Variants in CNTN5 observed in about 807,000 individuals in gnomAD.
The protein encoded by CNTN5 is contactin 5, also known as contactin-5.
Under a neutral mutation model 129.1 loss-of-function variants are expected in CNTN5, and 77 were observed. The observed-to-expected ratio is 0.60, with a 90% CI of 0.50 to 0.72. The LOEUF (loss-of-function observed/expected upper bound fraction) is 0.72, where lower values mean the gene tolerates loss of function less well. Among genes scored for constraint, CNTN5 ranks in the 30% least tolerant of loss-of-function variants. The probability of loss-of-function intolerance (pLI) is 0.00; values close to 1 mark genes in which losing one functional copy is unlikely to be tolerated. For missense variants in CNTN5, 1,478 were observed against 1,328.8 expected (o/e 1.11, Z -1.75); for synonymous variants, 509 against 465.6 (o/e 1.09, Z -1.20).
intron 13 of CNTN5, among the ~76,000 whole-genome samples, chr11:100,130,268 TATTC>T (rs912176677): frequency 1.3e-5 from 2 of 152,234 alleles, no homozygotes; most frequent in African/African-American, 4.8e-5. Context: ...TTCCCTCTCT[TATTC>T]ATTCATTCAT....
intron 15 of CNTN5, among the ~76,000 whole-genome samples, chr11:100,221,178 A>T (rs1385123598): frequency 6.6e-6 from 1 of 152,216 alleles, no homozygotes; most frequent in Non-Finnish European, 1.5e-5. Flanking sequence ...CAGGAAAAGA[A>T]AAAAGAAAGA....
At chr11:99,386,982 G>A (rs1940960299) in intron 2 of CNTN5, among the ~76,000 whole-genome samples, 1 of 152,026 alleles carries the variant, frequency 6.6e-6, no homozygotes, top group Non-Finnish European at 1.5e-5. Flanking sequence ...AGTTTCTGGT[G>A]AAAATTTCAT....
At chr11:99,299,090 C>A (rs11219258) in intron 1 of CNTN5, among the ~76,000 whole-genome samples, 7,708 of 152,072 alleles carry the variant, frequency 0.051, 634 homozygotes, top group African/African-American at 0.17. Context: ...CTATCTTCAA[C>A]TTCACATTTT....
chr11:99,818,072 T>C (rs1451806688), intron 3 of CNTN5, among the ~76,000 whole-genome samples: 4 of 152,188 alleles, frequency 2.6e-5, no homozygotes, highest in Admixed American at 1.3e-4. Flanking sequence ...GCTTAACACC[T>C]AAAGTGTTAT....
chr11:100,232,122 C>G (rs781713436), intron 16 of CNTN5, among the ~76,000 whole-genome samples: 96 of 151,982 alleles, frequency 6.3e-4, no homozygotes, highest in Non-Finnish European at 1.3e-4. Context: ...TCACTGCACT[C>G]CAGCCTGGCC....
At chr11:99,276,303 T>C (rs564905030) in intron 1 of CNTN5, among the ~76,000 whole-genome samples, 1 of 151,654 alleles carries the variant, frequency 6.6e-6, no homozygotes, top group African/African-American at 2.4e-5. Flanking sequence ...TTTATTTTGA[T>C]TCCCCAAGTC....
intron 7 of CNTN5, among the ~76,000 whole-genome samples, chr11:99,923,547 A>G (rs1379762473): frequency 2.0e-5 from 3 of 152,208 alleles, no homozygotes; most frequent in Non-Finnish European, 4.4e-5. Context: ...GAAATATTCA[A>G]AAGCTTACGT....
chr11:99,810,219 A>G (rs1298744679), intron 3 of CNTN5, among the ~76,000 whole-genome samples: 6 of 152,166 alleles, frequency 3.9e-5, no homozygotes, highest in Non-Finnish European at 8.8e-5. Flanking sequence ...ACAACTAAGA[A>G]TTTACTATTT....
At chr11:100,160,448 G>T (rs550009069) in intron 13 of CNTN5, among the ~76,000 whole-genome samples, 22 of 152,024 alleles carry the variant, frequency 1.4e-4, no homozygotes, top group Non-Finnish European at 3.1e-4. Context: ...TAATGGGATT[G>T]CTCGGACAAA....
At chr11:99,394,775 A>ATAAG (rs1941434891) in intron 2 of CNTN5, among the ~76,000 whole-genome samples, 1 of 151,742 alleles carries the variant, frequency 6.6e-6, no homozygotes, top group African/African-American at 2.4e-5. Context: ...AGTCCCAGTT[A>ATAAG]TAAGTGATAA....
intron 13 of CNTN5, among the ~76,000 whole-genome samples, chr11:100,089,027 A>T (rs1944656002): frequency 6.6e-6 from 1 of 152,122 alleles, no homozygotes; most frequent in Admixed American, 6.6e-5. Flanking sequence ...CAAAAAGCCA[A>T]TTGACCCTGA....
intron 3 of CNTN5, among the ~76,000 whole-genome samples, chr11:99,741,497 AAAC>A (rs1943887184): frequency 6.6e-6 from 1 of 152,130 alleles, no homozygotes; most frequent in African/African-American, 2.4e-5. Flanking sequence ...ATTTGAGAAA[AAAC>A]AACTTCAAAT....
intron 1 of CNTN5, among the ~76,000 whole-genome samples, chr11:99,058,806 A>C (rs957922409): frequency 6.6e-6 from 1 of 152,024 alleles, no homozygotes; most frequent in Non-Finnish European, 1.5e-5. Flanking sequence ...AAAAATGGGC[A>C]AGGTCCCACA....
At chr11:99,887,718 C>T (rs180808252) in intron 6 of CNTN5, among the ~76,000 whole-genome samples, 4 of 152,358 alleles carry the variant, frequency 2.6e-5, no homozygotes, top group Admixed American at 6.5e-5. Context: ...AGTCGAAAAG[C>T]TGAAGAACTT....
chr11:99,668,701 C>T (rs1213136748), intron 3 of CNTN5, among the ~76,000 whole-genome samples: 5 of 151,994 alleles, frequency 3.3e-5, no homozygotes, highest in South Asian at 2.1e-4. Flanking sequence ...GGCCGAGGTG[C>T]GCAGATCGCT....
intron 21 of CNTN5, among the ~76,000 whole-genome samples, chr11:100,324,478 C>G (rs1011007618): frequency 6.6e-6 from 1 of 152,070 alleles, no homozygotes; most frequent in Non-Finnish European, 1.5e-5. Flanking sequence ...AAAGGACTTG[C>G]GTTCCTCAAA....
chr11:99,598,170 C>T (rs1202656982), intron 3 of CNTN5, among the ~76,000 whole-genome samples: 33 of 152,038 alleles, frequency 2.2e-4, no homozygotes, highest in Admixed American at 2.2e-3. Context: ...AATTTTTGCT[C>T]CCTAAAACTG....
At chr11:100,300,185 A>C (rs1192160174) in intron 20 of CNTN5, among the ~76,000 whole-genome samples, 2 of 151,506 alleles carry the variant, frequency 1.3e-5, no homozygotes, top group Non-Finnish European at 3.0e-5. Flanking sequence ...ATAGAGCTAC[A>C]GTGGAAACCC....
At chr11:100,291,774 TAAATAAATAAATAAAA>T (rs781610727) in intron 18 of CNTN5, among the ~76,000 whole-genome samples, 13,411 of 137,118 alleles carry the variant, frequency 0.098, 632 homozygotes, top group Non-Finnish European at 0.12. Flanking sequence ...AATAAATAAA[TAAATAAATAAATAAAA>T]AATATAAATA....
Sources: gnomAD v4.1 joint callset for allele counts (sites outside exome capture counted in the v4.1 genomes callset) on GRCh38, gnomAD v4.1.1 for gene constraint, MANE v1.5 for transcripts, NCBI Gene and HGNC (gene_info 2026-07-23, HGNC 2026-07-21) for gene names.